The following C18orf54 variants were observed in gnomAD, a reference collection of about 807,000 sequenced individuals.
The protein encoded by C18orf54 is lung adenoma susceptibility protein 2.
Under a neutral mutation model 49.3 loss-of-function variants are expected in C18orf54, and 49 were observed. That is an observed-to-expected ratio of 0.99 (90% confidence interval 0.79 to 1.26). The LOEUF (loss-of-function observed/expected upper bound fraction) is 1.26. Ranked by LOEUF, C18orf54 falls within the 50% of genes most tolerant of loss-of-function variation. C18orf54 has a pLI of 0.00. For synonymous variants in C18orf54, 211 were observed against 216.6 expected, an observed-to-expected ratio of 0.97 and a Z score of 0.23; for missense variants, 687 against 620.6, an observed-to-expected ratio of 1.11 and a Z score of -1.14.
chr18:54,378,404 A>C lies in C18orf54; in HGVS notation c.*158A>C. 1 of 591,060 alleles carries C rather than the reference A, an allele frequency of 1.7e-6. No individual in the cohort carries two copies. 36.6% of individuals were successfully genotyped at this position (591,060 alleles called of 1,614,324 possible). ...TAAAACACTAAACTTGAAAATACCC[A>C]TAGGTTTTGGGACCTATCTTTATTT... On this transcript the variant is annotated 3_prime_UTR_variant, in exon 9 of 9. Transcript: ENST00000620105.
At position 54,381,752 on chromosome 18, in the gene C18orf54, TC is replaced by T. The variant is rs746901188; in HGVS notation, c.*3511del. ...CTGGTAAGTTGGCTTTTCTTTTTCCTCCCCCTGTCATTCATTTAGCTGTTAT... is the reference window on the plus strand; with the variant it reads ...CTGGTAAGTTGGCTTTTCTTTTTCCTCCCCTGTCATTCATTTAGCTGTTAT... On this transcript the variant is annotated 3_prime_UTR_variant, in exon 9 of 9. Transcript: ENST00000620105. 3 of 152,318 alleles carry T rather than the reference TC, an allele frequency of 2.0e-5. No homozygotes were observed. Among genetic ancestry groups the T allele is most frequent in the Admixed American group, 6.5e-5 (1 of 15,290 alleles). 9.4% of individuals were successfully genotyped at this position (152,318 alleles called of 1,614,324 possible). A position where few individuals can be genotyped will look rare whatever the true frequency, so the allele number is the denominator to read the frequency against.
Position 54,362,104 on chromosome 18 carries a change from A to T in C18orf54, c.745A>T (p.Asn249Tyr). 6.5e-7 allele frequency: 1 copy of T among 1,538,496 alleles called. No homozygotes were observed. The highest frequency in any genetic ancestry group is 8.7e-7 in the Non-Finnish European group (1 of 1,147,074). The stretch of plus-strand genomic sequence containing the variant: ...GCTCACTAGCCAGAAATCTGACCTT[A>T]ATGTTTCAGGGATAACTAGTATACC... ...RWLTSQKSDL[N>Y]VSGITSIPDF... is the part of the protein sequence containing the mutation. The change falls in exon 4 of 9, where the codon AAT becomes TAT. Residue 249 changes from asparagine to tyrosine, a missense_variant. Coordinates refer to ENST00000620105, the MANE Select transcript of C18orf54 (RefSeq NM_001288980.2).
intron 6 of C18orf54, among the ~76,000 whole-genome samples, chr18:54,367,464 C>A (rs1027084861): frequency 6.6e-6 from 1 of 152,052 alleles, no homozygotes; most frequent in South Asian, 2.1e-4. Context: ...GAGTTTATTT[C>A]TTTCATTTCT....
rs535909784 is a variant in C18orf54 at position 54,373,677 on chromosome 18, C to T, written c.1459-537C>T. On this transcript the variant is annotated intron_variant, in intron 7 of 8. Transcript: ENST00000620105. Reference sequence around the variant, plus strand: ...AGGTTGTTGAGAAGACAAATTGAGACAAACTATATAAAGTACTTAGTATAG... The same window carrying T: ...AGGTTGTTGAGAAGACAAATTGAGATAAACTATATAAAGTACTTAGTATAG... Among the ~76,000 whole-genome samples, 3 of 151,862 alleles carry T rather than the reference C, an allele frequency of 2.0e-5. No individual in the cohort carries two copies. In the South Asian group the frequency reaches 6.2e-4, roughly 31 times the overall value.
chr18:54,374,221 A>G lies in C18orf54; in HGVS notation c.1466A>G (p.Glu489Gly). 6.3e-7 allele frequency: 1 copy of G among 1,575,780 alleles called. No individual in the cohort carries two copies. Among genetic ancestry groups the G allele is most frequent in the African/African-American group, 1.4e-5 (1 of 73,828 alleles). ...DPKEEIKQVS[E>G]DDFSKLQLKE... ...TGGTGTTTTTAATAATAGGTTTCAG[A>G]AGATGATTTCTCTAAATTACAGTTG... is the stretch of plus-strand genomic sequence containing the variant. Residue 489 changes from glutamate (E) to glycine (G), a missense_variant, in exon 8 of 9, where the codon GAA (glutamate) becomes GGA (glycine). Physicochemically the swap from Glu to Gly is moderately conservative, Grantham distance 98 (BLOSUM62 -2). Transcript: ENST00000620105.
chr18:54,374,168 T>G lies in C18orf54; in HGVS notation c.1459-46T>G, dbSNP rs1053099201. ...TTTTCAATACCATTTAATTTTGTAG[T>G]TATATAATTTTAATATTTTGTTATA... is the stretch of plus-strand genomic sequence containing the variant. On this transcript the variant is annotated intron_variant, in intron 7 of 8. Transcript: ENST00000620105. 3 of 1,356,626 alleles carry G rather than the reference T, an allele frequency of 2.2e-6. No homozygotes were observed. In the African/African-American group the frequency reaches 4.5e-5, roughly 20 times the overall value. The allele number at this position is 1,356,626 out of a possible 1,614,324, so 84.0% of individuals were successfully genotyped here. A position where few individuals can be genotyped will look rare whatever the true frequency, so the allele number is the denominator to read the frequency against.
At chr18:54,374,380 G>A (rs375878543) in intron 8 of C18orf54, 96 bp downstream of exon 8, 5 of 1,257,860 alleles carry the variant, frequency 4.0e-6, no homozygotes, top group African/African-American at 3.1e-5. Context: ...TTTAAGAGTA[G>A]CACTACTAGG....
chr18:54,359,346 T>TA (rs2089213579), intron 2 of C18orf54, among the ~76,000 whole-genome samples: 1 of 152,242 alleles, frequency 6.6e-6, no homozygotes, highest in Admixed American at 6.5e-5. Context: ...TCGTCAGAGA[T>TA]ATACCAGTAT....
rs770180306 is a variant in C18orf54, at chr18:54,360,716, T to C, written c.144T>C (p.Ala48=). The change falls in exon 3 of 9, where the codon GCT becomes GCC. Residue 48 remains alanine, a synonymous_variant. Coordinates refer to ENST00000620105, the MANE Select transcript of C18orf54 (RefSeq NM_001288980.2). ...ATAAAGATAAGCTGTACAGATCTGC[T>C]TCTCAAGCTCTACAGGCTTATATTG... is the stretch of plus-strand genomic sequence containing the variant. ...FHYKDKLYRS[A]SQALQAYIDD... 15 of 1,614,002 alleles carry C rather than the reference T, an allele frequency of 9.3e-6. No individual in the cohort carries two copies. Among genetic ancestry groups the C allele is most frequent in the Non-Finnish European group, 1.2e-5 (14 of 1,179,978 alleles).
rs1195962882 is a variant in C18orf54, at chr18:54,360,485, CA to C, written c.-46-41del. 4.5e-5 allele frequency: 60 copies of C among 1,326,600 alleles called. No individual in the cohort carries two copies. The East Asian group carries it at 1.4e-3, about 31-fold the overall frequency. The allele number at this position is 1,326,600 out of a possible 1,614,324, so 82.2% of individuals were successfully genotyped here. A position where few individuals can be genotyped will look rare whatever the true frequency, so the allele number is the denominator to read the frequency against. On this transcript the variant is annotated intron_variant, in intron 2 of 8. Transcript: ENST00000620105. ...TTTAGTAATTTTGTTTGTGTATGGT[CA>C]CTTTTAATTGGCATCTTAACATTTC...
At chr18:54,366,733 T>C (rs1395162773) in intron 6 of C18orf54, among the ~76,000 whole-genome samples, 1 of 151,966 alleles carries the variant, frequency 6.6e-6, no homozygotes, top group Non-Finnish European at 1.5e-5. Context: ...ACTGTTTTAC[T>C]GTGTCTGGCT....
intron 8 of C18orf54, among the ~76,000 whole-genome samples, 199 bp from the exon 9 acceptor site, chr18:54,377,975 A>G (rs1429172809): frequency 6.6e-6 from 1 of 152,224 alleles, no homozygotes; most frequent in African/African-American, 2.4e-5. Flanking sequence ...ATGTTTATAG[A>G]ACTTTAGATA....
At chr18:54,372,633 G>T in intron 7 of C18orf54, 36 bp downstream of exon 7, 2 of 1,514,112 alleles carry the variant, frequency 1.3e-6, no homozygotes, top group Admixed American at 2.0e-5. Flanking sequence ...TGAGATTTGT[G>T]AATTTGTATA....
intron 4 of C18orf54, 65 bp downstream of exon 4, chr18:54,362,496 T>A: frequency 7.6e-7 from 1 of 1,317,184 alleles, no homozygotes; most frequent in Non-Finnish European, 1.0e-6. Context: ...AGAAGTGCTG[T>A]AAAGTTGATG....
intron 3 of C18orf54, among the ~76,000 whole-genome samples, chr18:54,361,286 A>G (rs190685241): frequency 1.1e-4 from 17 of 152,304 alleles, no homozygotes; most frequent in East Asian, 9.6e-4. Flanking sequence ...TTTTCCACCT[A>G]GTTTAATAGC....
chr18:54,371,111 C>A (rs2089479781), intron 6 of C18orf54, among the ~76,000 whole-genome samples: 1 of 152,168 alleles, frequency 6.6e-6, no homozygotes, highest in Non-Finnish European at 1.5e-5. Flanking sequence ...TATCTTCTCA[C>A]ACTGAAACTT....
Position 54,376,009 on chromosome 18 carries a change from A to G in C18orf54, c.1529+1725A>G, listed in dbSNP as rs1169228419. On this transcript the variant is annotated intron_variant, in intron 8 of 8. Coordinates refer to ENST00000620105, the MANE Select transcript of C18orf54 (RefSeq NM_001288980.2). ...GCGGCAAAATATTCTGGTTAGGTAT[A>G]TGGTCATCTTTTCATACTTCAAATA... 2.6e-5 allele frequency among the ~76,000 whole-genome samples: 4 copies of G among 152,178 alleles called. No individual in the cohort carries two copies. The East Asian group carries it at 7.7e-4, about 29-fold the overall frequency.
intron 6 of C18orf54, among the ~76,000 whole-genome samples, chr18:54,370,276 CAAAA>C (rs35888839): frequency 5.7e-5 from 5 of 87,368 alleles, no homozygotes; most frequent in African/African-American, 1.6e-4. Flanking sequence ...GACTCTGTCT[CAAAA>C]AAAAAAAAAA....
intron 6 of C18orf54, among the ~76,000 whole-genome samples, chr18:54,368,581 T>C (rs2089428649): frequency 6.6e-6 from 1 of 152,014 alleles, no homozygotes; most frequent in Non-Finnish European, 1.5e-5. Flanking sequence ...AATAGTAATA[T>C]ATAATAAAGA....
Sources: allele counts gnomAD v4.1 joint callset (sites outside exome capture counted in the v4.1 genomes callset), GRCh38; gene constraint gnomAD v4.1.1; transcripts MANE v1.5; gene names NCBI Gene and HGNC (gene_info 2026-07-23, HGNC 2026-07-21).